Variants in AGBL4 observed in about 807,000 individuals in gnomAD.
The protein encoded by AGBL4 is AGBL carboxypeptidase 4.
AGBL4 carries 58 observed loss-of-function variants against 66.4 expected under a neutral mutation model. The observed-to-expected ratio is 0.87, with a 90% CI of 0.71 to 1.09. The LOEUF (loss-of-function observed/expected upper bound fraction) is 1.09, where lower values mean the gene tolerates loss of function less well. Among genes scored for constraint, AGBL4 ranks in the 50% least tolerant of loss-of-function variants. The probability of loss-of-function intolerance (pLI) is 0.00; values close to 1 mark genes in which losing one functional copy is unlikely to be tolerated. For synonymous variants in AGBL4, 234 were observed against 222.9 expected, an observed-to-expected ratio of 1.05 and a Z score of -0.44; for missense variants, 579 against 631.0, an observed-to-expected ratio of 0.92 and a Z score of 0.88.
chr1:49,905,220 T>C (rs1650159104), intron 1 of AGBL4, among the ~76,000 whole-genome samples: 1 of 152,212 alleles, frequency 6.6e-6, no homozygotes, highest in Admixed American at 6.5e-5. Flanking sequence ...TTGCCTTTTG[T>C]TTAACATCTA....
At chr1:49,904,180 T>C (rs1650046328) in intron 1 of AGBL4, among the ~76,000 whole-genome samples, 1 of 152,150 alleles carries the variant, frequency 6.6e-6, no homozygotes, top group Non-Finnish European at 1.5e-5. Flanking sequence ...TAGGGAAATA[T>C]AAATTAAGTT....
At chr1:49,130,804 T>G (rs1179370898) in intron 4 of AGBL4, among the ~76,000 whole-genome samples, 5 of 152,272 alleles carry the variant, frequency 3.3e-5, no homozygotes, top group African/African-American at 1.2e-4. Flanking sequence ...TGGGCTCTTT[T>G]TTGGTTCCAT....
intron 3 of AGBL4, among the ~76,000 whole-genome samples, chr1:49,261,621 C>T (rs1474236814): frequency 6.6e-6 from 1 of 152,038 alleles, no homozygotes; most frequent in East Asian, 1.9e-4. Flanking sequence ...AGGACCTCTT[C>T]AAGGAGAACT....
chr1:48,591,526 T>A (rs992404552), intron 9 of AGBL4, among the ~76,000 whole-genome samples: 1 of 152,186 alleles, frequency 6.6e-6, no homozygotes, highest in African/African-American at 2.4e-5. Flanking sequence ...GTATTTTAAT[T>A]CAAACCTCAG....
intron 2 of AGBL4, among the ~76,000 whole-genome samples, chr1:49,828,845 C>A (rs561061937): frequency 1.8e-4 from 27 of 151,976 alleles, no homozygotes; most frequent in African/African-American, 6.0e-4. Flanking sequence ...CCGAGGCGGG[C>A]GGATCACGAG....
intron 4 of AGBL4, among the ~76,000 whole-genome samples, chr1:49,156,021 G>A (rs971533750): frequency 1.3e-5 from 2 of 152,174 alleles, no homozygotes; most frequent in Admixed American, 6.6e-5. Context: ...ATCATCAGAC[G>A]TTTATTGAAT....
chr1:49,049,692 A>G (rs1441703702), intron 4 of AGBL4, among the ~76,000 whole-genome samples: 1 of 152,112 alleles, frequency 6.6e-6, no homozygotes, highest in African/African-American at 2.4e-5. Flanking sequence ...AGCTGAAGAG[A>G]AAGTAGAGAG....
chr1:49,846,299 A>G (rs1208329940), intron 2 of AGBL4: 4 of 1,505,252 alleles, frequency 2.7e-6, no homozygotes, highest in African/African-American at 1.4e-5. Flanking sequence ...ACAGCACTGG[A>G]GGATCCACAC....
At chr1:49,852,320 C>T (rs999778104) in intron 1 of AGBL4, among the ~76,000 whole-genome samples, 1 of 152,016 alleles carries the variant, frequency 6.6e-6, no homozygotes, top group Non-Finnish European at 1.5e-5. Flanking sequence ...GGGTCCCATA[C>T]AAATGAGTAA....
intron 6 of AGBL4, among the ~76,000 whole-genome samples, chr1:48,713,547 G>A (rs1366239099): frequency 6.6e-6 from 1 of 152,170 alleles, no homozygotes; most frequent in Non-Finnish European, 1.5e-5. Flanking sequence ...GGTGAGTTCT[G>A]TGAGGGCAGT....
At chr1:49,047,249 G>T (rs1269522491) in intron 4 of AGBL4, among the ~76,000 whole-genome samples, 1 of 152,062 alleles carries the variant, frequency 6.6e-6, no homozygotes, top group Non-Finnish European at 1.5e-5. Flanking sequence ...TAGAAAAAGT[G>T]ACTAAAATGA....
At chr1:49,728,692 G>A (rs1441710344) in intron 2 of AGBL4, among the ~76,000 whole-genome samples, 1 of 152,146 alleles carries the variant, frequency 6.6e-6, no homozygotes, top group African/African-American at 2.4e-5. Flanking sequence ...GAAGAGAAAA[G>A]GAGCCTAGCA....
chr1:48,740,262 T>C (rs6588053), intron 6 of AGBL4, among the ~76,000 whole-genome samples: 48,797 of 151,974 alleles, frequency 0.32, 8,845 homozygotes, highest in East Asian at 0.71. Flanking sequence ...TGGAGCAATG[T>C]TCAGTTTTCA....
intron 1 of AGBL4, among the ~76,000 whole-genome samples, chr1:49,981,241 C>T (rs1659031552): frequency 6.6e-6 from 1 of 152,128 alleles, no homozygotes; most frequent in Non-Finnish European, 1.5e-5. Context: ...TCTAGCTCAA[C>T]TTTGAAGAAA....
intron 4 of AGBL4, among the ~76,000 whole-genome samples, chr1:49,154,960 C>G (rs988691569): frequency 6.6e-5 from 10 of 152,126 alleles, no homozygotes; most frequent in Non-Finnish European, 1.5e-4. Context: ...AACTCAAAAG[C>G]ATCCAACCAT....
At chr1:49,162,914 A>G (rs1274506630) in intron 4 of AGBL4, among the ~76,000 whole-genome samples, 2 of 152,192 alleles carry the variant, frequency 1.3e-5, no homozygotes, top group Non-Finnish European at 2.9e-5. Context: ...CTTGATACCT[A>G]TTTTTGAAAA....
At chr1:49,532,772 C>T (rs1651241711) in intron 3 of AGBL4, among the ~76,000 whole-genome samples, 1 of 152,136 alleles carries the variant, frequency 6.6e-6, no homozygotes, top group South Asian at 2.1e-4. Context: ...TCTAAGGTCA[C>T]CTATCTACCA....
At chr1:48,799,017 A>G (rs1347873073) in intron 6 of AGBL4, among the ~76,000 whole-genome samples, 3 of 152,160 alleles carry the variant, frequency 2.0e-5, no homozygotes, top group East Asian at 1.9e-4. Flanking sequence ...TTGGTTCCAT[A>G]TGAATTTTAG....
At chr1:49,451,923 C>T (rs1040703688) in intron 3 of AGBL4, among the ~76,000 whole-genome samples, 3 of 151,908 alleles carry the variant, frequency 2.0e-5, no homozygotes, top group African/African-American at 7.2e-5. Flanking sequence ...GATGGCTGAA[C>T]AAGTGAGTGC....
Sources: gnomAD v4.1 joint callset for allele counts (sites outside exome capture counted in the v4.1 genomes callset) on GRCh38, gnomAD v4.1.1 for gene constraint, MANE v1.5 for transcripts, NCBI Gene and HGNC (gene_info 2026-07-23, HGNC 2026-07-21) for gene names.